The following RP2 variants were observed in gnomAD, a reference collection of about 807,000 sequenced individuals.
RP2 encodes the protein protein XRP2.
Under a neutral mutation model 20.3 loss-of-function variants are expected in RP2, and 3 were observed. The ratio of observed to expected loss-of-function variants is 0.15; its 90% CI spans 0.07 to 0.38. The LOEUF (loss-of-function observed/expected upper bound fraction) is 0.38. Ranked by LOEUF, RP2 falls within the 10% of genes least tolerant of loss-of-function variation. The pLI, the probability that RP2 is intolerant of heterozygous loss-of-function variation, is 1.00. For synonymous variants in RP2, 75 were observed against 94.8 expected (o/e 0.79, Z 1.22); for missense variants, 233 against 268.5 (o/e 0.87, Z 0.92).
chrX:46,867,285 G>C (rs1925190556), intron 3 of RP2, among the ~76,000 whole-genome samples: 1 of 112,185 alleles, frequency 8.9e-6, no homozygotes, highest in African/African-American at 3.2e-5. Context: ...ATTTTTAGTA[G>C]AGATGGCGTT....
At chrX:46,858,758 C>A (rs1925013327) in intron 2 of RP2, among the ~76,000 whole-genome samples, 1 of 111,406 alleles carries the variant, frequency 9.0e-6, no homozygotes, top group Admixed American at 9.6e-5. Flanking sequence ...CATGTGTGAG[C>A]CATGATGCTG....
chrX:46,851,965 G>C (rs782419268), intron 1 of RP2, among the ~76,000 whole-genome samples: 15 of 111,624 alleles, frequency 1.3e-4, no homozygotes, highest in African/African-American at 4.9e-4. Context: ...AACTCGGGAG[G>C]CTGAGACAGG....
At chrX:46,838,800 A>C (rs782577530) in intron 1 of RP2, among the ~76,000 whole-genome samples, 1 of 111,921 alleles carries the variant, frequency 8.9e-6, no homozygotes, top group East Asian at 2.8e-4. Flanking sequence ...AAGTAAATGC[A>C]TTGAGAAATA....
intron 2 of RP2, among the ~76,000 whole-genome samples, chrX:46,857,486 G>A (rs1402596266): frequency 8.9e-6 from 1 of 111,935 alleles, no homozygotes; most frequent in African/African-American, 3.2e-5. Context: ...CTGAACCCAC[G>A]AGGCGGAGGT....
chrX:46,861,116 C>T (rs782151752), intron 3 of RP2, among the ~76,000 whole-genome samples: 5 of 111,827 alleles, frequency 4.5e-5, no homozygotes, highest in African/African-American at 1.6e-4. Context: ...CATTTGGAAG[C>T]TTGAAAATGA....
chrX:46,869,013 C>T (rs1421464782), intron 3 of RP2, among the ~76,000 whole-genome samples: 1 of 110,376 alleles, frequency 9.1e-6, no homozygotes, highest in Non-Finnish European at 1.9e-5. Flanking sequence ...GTGGGAGGAT[C>T]ACTTGAGCCT....
Position 46,879,742 on chromosome X carries a change from C to T in RP2, c.1026C>T (p.Asn342=), listed in dbSNP as rs782305404. ...TASGDVDSFY[N]FADIQMGI ...CTGGAGATGTAGACAGCTTCTACAA[C>T]TTTGCTGATATACAGATGGGAATAT... Residue 342 remains asparagine, a synonymous_variant, in exon 5 of 5, where the codon AAC becomes AAT. Transcript: ENST00000218340. 7 of 1,193,935 alleles carry T rather than the reference C, an allele frequency of 5.9e-6. No individual in the cohort carries two copies. In the East Asian group the frequency reaches 1.5e-4, roughly 25 times the overall value.
chrX:46,866,037 T>C (rs1437071075), intron 3 of RP2, among the ~76,000 whole-genome samples: 1 of 112,002 alleles, frequency 8.9e-6, no homozygotes, highest in Non-Finnish European at 1.9e-5. Context: ...ATTGTTCTGG[T>C]TTTAACCATC....
At chrX:46,876,787 G>A (rs1925379136) in intron 3 of RP2, among the ~76,000 whole-genome samples, 2 of 111,910 alleles carry the variant, frequency 1.8e-5, no homozygotes, top group Admixed American at 1.9e-4. Context: ...ATTATTCTGT[G>A]TTGGTTTGTA....
At chrX:46,847,765 C>CGTGTGTGTGT (rs1569531386) in intron 1 of RP2, among the ~76,000 whole-genome samples, 20 of 78,404 alleles carry the variant, frequency 2.6e-4, no homozygotes, top group East Asian at 1.6e-3. Flanking sequence ...TATATACACA[C>CGTGTGTGTGT]ATGTGTGTGT....
chrX:46,879,491 T>C (rs180907939), intron 4 of RP2, among the ~76,000 whole-genome samples, 195 bp from the exon 5 acceptor site: 1 of 111,161 alleles, frequency 9.0e-6, no homozygotes, highest in Non-Finnish European at 1.9e-5. Context: ...AAGAGCTTAA[T>C]TTACATTATA....
At chrX:46,879,433 A>C (rs1364916695) in intron 4 of RP2, among the ~76,000 whole-genome samples, 1 of 110,915 alleles carries the variant, frequency 9.0e-6, no homozygotes, top group Non-Finnish European at 1.9e-5. Flanking sequence ...ATAAAATACA[A>C]CTCAAGTATT....
chrX:46,864,995 A>T (rs1177375666), intron 3 of RP2, among the ~76,000 whole-genome samples: 2 of 112,040 alleles, frequency 1.8e-5, no homozygotes, highest in Non-Finnish European at 3.8e-5. Context: ...TTTTAAAATA[A>T]ACTTTTTATA....
chrX:46,879,408 A>G (rs1401762020), intron 4 of RP2, among the ~76,000 whole-genome samples: 1 of 111,368 alleles, frequency 9.0e-6, no homozygotes, highest in Non-Finnish European at 1.9e-5. Flanking sequence ...TGAGTGTTGT[A>G]AAAGTCCAGA....
intron 3 of RP2, among the ~76,000 whole-genome samples, chrX:46,876,943 A>AG (rs1201567223): frequency 8.9e-6 from 1 of 112,471 alleles, no homozygotes; most frequent in Non-Finnish European, 1.9e-5. Flanking sequence ...GGATTAAAAA[A>AG]TAAAAACTTT....
At position 46,837,193 on chromosome X, in the gene RP2, G is replaced by A. The variant is rs1556313543; in HGVS notation, c.93G>A (p.Gln31=). The A allele has an allele frequency of 1.7e-6, 2 of 1,166,581 alleles. No individual in the cohort carries two copies. The highest frequency in any genetic ancestry group is 1.1e-6 in the Non-Finnish European group (1 of 872,912). ...GGCCAAAGCAGTACAGCTGGGATCAGCGCGAGAAGGTAATGAAAGTCGTGT... is the reference window on the plus strand; with the variant it reads ...GGCCAAAGCAGTACAGCTGGGATCAACGCGAGAAGGTAATGAAAGTCGTGT... ...EERPKQYSWD[Q]REKVDPKDYM... The change falls in exon 1 of 5, where the codon CAG becomes CAA. Residue 31 remains glutamine, a synonymous_variant. Coordinates refer to ENST00000218340, the MANE Select transcript of RP2 (RefSeq NM_006915.3).
At chrX:46,845,690 T>G (rs1361030812) in intron 1 of RP2, among the ~76,000 whole-genome samples, 1 of 111,978 alleles carries the variant, frequency 8.9e-6, no homozygotes, top group Non-Finnish European at 1.9e-5. Context: ...AATCATACAA[T>G]ACGTAACCTT....
At chrX:46,843,160 G>A (rs1161753391) in intron 1 of RP2, among the ~76,000 whole-genome samples, 15 of 109,419 alleles carry the variant, frequency 1.4e-4, no homozygotes, top group Admixed American at 2.9e-4. Context: ...GGCGCCCGCC[G>A]CCACGCCCGG....
intron 1 of RP2, among the ~76,000 whole-genome samples, chrX:46,840,335 TGGG>T (rs1201031078): frequency 8.9e-6 from 1 of 111,957 alleles, no homozygotes; most frequent in Non-Finnish European, 1.9e-5. Context: ...GTTGTGTAAT[TGGG>T]TCAGTCTTAG....
Sources: allele counts gnomAD v4.1 joint callset (sites outside exome capture counted in the v4.1 genomes callset), GRCh38; gene constraint gnomAD v4.1.1; transcripts MANE v1.5; gene names NCBI Gene and HGNC (gene_info 2026-07-23, HGNC 2026-07-21).